KIAA0825: variants seen among roughly 807,000 people sequenced by gnomAD.
The protein encoded by KIAA0825 is KIAA0825, also known as uncharacterized protein KIAA0825.
In KIAA0825, 119 loss-of-function variants were observed where a neutral mutation model predicts 147.6. The observed-to-expected ratio is 0.81, with a 90% CI of 0.69 to 0.94. The LOEUF (loss-of-function observed/expected upper bound fraction) is 0.94, where lower values mean the gene tolerates loss of function less well. Ranked by LOEUF, KIAA0825 falls within the 40% of genes least tolerant of loss-of-function variation. The pLI, the probability that KIAA0825 is intolerant of heterozygous loss-of-function variation, is 0.00. For missense variants in KIAA0825, 1,381 were observed against 1,472.7 expected (o/e 0.94, Z 1.02); for synonymous variants, 470 against 518.1 (o/e 0.91, Z 1.26).
At chr5:94,390,752 G>A (rs1309953268) in intron 18 of KIAA0825, among the ~76,000 whole-genome samples, 1 of 152,162 alleles carries the variant, frequency 6.6e-6, no homozygotes, top group Non-Finnish European at 1.5e-5. Context: ...CCCTGAAAAT[G>A]TATGGTTATA....
At chr5:94,253,212 A>G (rs1278192792) in intron 20 of KIAA0825, among the ~76,000 whole-genome samples, 1 of 152,130 alleles carries the variant, frequency 6.6e-6, no homozygotes, top group East Asian at 1.9e-4. Flanking sequence ...CATGTGGGAG[A>G]TTTAAAAAGT....
chr5:94,475,582 C>G (rs144710446), intron 7 of KIAA0825, among the ~76,000 whole-genome samples: 2 of 152,064 alleles, frequency 1.3e-5, no homozygotes, highest in African/African-American at 4.8e-5. Flanking sequence ...CCGAGGCAGG[C>G]GGATCACCTG....
intron 20 of KIAA0825, among the ~76,000 whole-genome samples, chr5:94,380,999 T>C (rs1043312712): frequency 6.6e-6 from 1 of 152,208 alleles, no homozygotes; most frequent in African/African-American, 2.4e-5. Flanking sequence ...CTCTTTCATG[T>C]GTCTGAGCGG....
intron 20 of KIAA0825, among the ~76,000 whole-genome samples, chr5:94,380,854 A>C (rs928080505): frequency 2.0e-5 from 3 of 152,248 alleles, no homozygotes; most frequent in African/African-American, 4.8e-5. Context: ...TAGTGAGCGA[A>C]GAACACATTT....
intron 20 of KIAA0825, among the ~76,000 whole-genome samples, chr5:94,253,474 C>T (rs1453999366): frequency 1.3e-5 from 2 of 152,030 alleles, no homozygotes; most frequent in African/African-American, 2.4e-5. Context: ...TCTTTTTTTA[C>T]GTCAGGAACA....
chr5:94,497,048 T>C (rs1045337564), intron 5 of KIAA0825, among the ~76,000 whole-genome samples: 1 of 152,158 alleles, frequency 6.6e-6, no homozygotes, highest in African/African-American at 2.4e-5. Flanking sequence ...TAATTAACAG[T>C]TACCATTTAC....
intron 7 of KIAA0825, among the ~76,000 whole-genome samples, chr5:94,476,545 G>C (rs1216380406): frequency 6.6e-6 from 1 of 152,088 alleles, no homozygotes; most frequent in Non-Finnish European, 1.5e-5. Context: ...CCTTAAGACA[G>C]AGAGAGGAGA....
At chr5:94,208,529 C>T (rs551711708) in intron 20 of KIAA0825, among the ~76,000 whole-genome samples, 4 of 152,282 alleles carry the variant, frequency 2.6e-5, no homozygotes, top group Non-Finnish European at 4.4e-5. Flanking sequence ...ATACAGGTAA[C>T]TGCAATGAAA....
At chr5:94,567,655 C>G (rs1407238159) in intron 2 of KIAA0825, 1 of 152,242 alleles carries the variant, frequency 6.6e-6, no homozygotes, top group African/African-American at 2.4e-5. Flanking sequence ...TCCTATACAA[C>G]CGTATTGGCG....
At chr5:94,236,597 T>C (rs1345347034) in intron 20 of KIAA0825, among the ~76,000 whole-genome samples, 2 of 152,200 alleles carry the variant, frequency 1.3e-5, no homozygotes, top group Non-Finnish European at 2.9e-5. Flanking sequence ...TGAAAGAAGT[T>C]CTACTGTGGG....
chr5:94,520,904 T>C lies in KIAA0825; in HGVS notation c.314A>G (p.Lys105Arg). ...KFFKTLQDLLKNEQNQEEMTL... is the reference protein window; with the variant it reads ...KFFKTLQDLLRNEQNQEEMTL... ...CATTTCTTCTTGATTTTGTTCATTC[T>C]TCAACAAATCTTGCTAATGAAATTA... The change falls in exon 5 of 21, where the codon AAG becomes AGG. Residue 105 changes from lysine to arginine, a missense_variant. Lys to Arg is a conservative substitution (Grantham distance 26). Transcript: ENST00000682413. 6.3e-7 allele frequency: 1 copy of C among 1,589,472 alleles called. No homozygotes were observed. The highest frequency in any genetic ancestry group is 1.7e-5 in the Admixed American group (1 of 57,936).
chr5:94,373,920 A>G lies in KIAA0825; in HGVS notation c.3710+10448T>C, dbSNP rs529026572. Among the ~76,000 whole-genome samples, 53 of 145,844 alleles carry G rather than the reference A, an allele frequency of 3.6e-4. 1 individual carries two copies. The South Asian group carries it at 0.013, about 34-fold the overall frequency. The stretch of plus-strand genomic sequence containing the variant: ...AGCATCATAAGCAAACAGATATCCA[A>G]TAGTCATCAATAAGCCTTACAGAAG... On this transcript the variant is annotated intron_variant, in intron 20 of 20. Coordinates refer to ENST00000682413, the MANE Select transcript of KIAA0825 (RefSeq NM_001145678.3).
intron 20 of KIAA0825, among the ~76,000 whole-genome samples, chr5:94,261,460 C>G (rs1776489458): frequency 6.6e-6 from 1 of 151,958 alleles, no homozygotes; most frequent in African/African-American, 2.4e-5. Context: ...AATTATTTCT[C>G]TGTGAAAAAG....
At chr5:94,293,996 T>C (rs1778026071) in intron 20 of KIAA0825, among the ~76,000 whole-genome samples, 1 of 152,204 alleles carries the variant, frequency 6.6e-6, no homozygotes, top group South Asian at 2.1e-4. Context: ...TATTCCTCCA[T>C]CCCTTTATTT....
rs143487163 is a variant in KIAA0825, at chr5:94,429,801, C to T, written c.2497+10181G>A. ...CCCCCAAGCGCCCAGAAGTGTCACT[C>T]GGCTTGGAGCTGGGAAACCACCTCG... On this transcript the variant is annotated intron_variant, in intron 14 of 20. Coordinates refer to ENST00000682413, the MANE Select transcript of KIAA0825 (RefSeq NM_001145678.3). 4.6e-3 allele frequency among the ~76,000 whole-genome samples: 708 copies of T among 152,336 alleles called. 3 individuals carry two copies. Among genetic ancestry groups the T allele is most frequent in the Admixed American group, 8.5e-3 (130 of 15,304 alleles).
In KIAA0825 at chr5:94,182,142, C is replaced by T. The variant is rs563826117; in HGVS notation, c.3711-28018G>A. Reference sequence around the variant, plus strand: ...CCTTCAGTGGGACCTTCAGCGCACCCTATAGACAATGCAGGCTCACTTCAC... The same window carrying T: ...CCTTCAGTGGGACCTTCAGCGCACCTTATAGACAATGCAGGCTCACTTCAC... On this transcript the variant is annotated intron_variant, in intron 20 of 20. Coordinates refer to ENST00000682413, the MANE Select transcript of KIAA0825 (RefSeq NM_001145678.3). Among the ~76,000 whole-genome samples, 3 of 151,876 alleles carry T rather than the reference C, an allele frequency of 2.0e-5. No individual in the cohort carries two copies. In the East Asian group the frequency reaches 5.8e-4, roughly 29 times the overall value.
intron 1 of KIAA0825, among the ~76,000 whole-genome samples, chr5:94,601,479 AGCCAGAGT>A (rs1314807641): frequency 6.6e-6 from 1 of 152,366 alleles, no homozygotes; most frequent in African/African-American, 2.4e-5. Context: ...ACTCAAAAAA[AGCCAGAGT>A]GCATTCTCTC....
chr5:94,379,770 A>C (rs1584316044), intron 20 of KIAA0825, among the ~76,000 whole-genome samples: 1 of 147,290 alleles, frequency 6.8e-6, no homozygotes, highest in African/African-American at 2.5e-5. Context: ...GATTTCTTTG[A>C]GCAGTACTTT....
chr5:94,160,779 C>A (rs1767503036), intron 20 of KIAA0825, among the ~76,000 whole-genome samples: 1 of 151,870 alleles, frequency 6.6e-6, no homozygotes, highest in South Asian at 2.1e-4. Context: ...AGAGTCCAAA[C>A]AGTGAAGAGT....
Sources: gnomAD v4.1 joint callset for allele counts (sites outside exome capture counted in the v4.1 genomes callset) on GRCh38, gnomAD v4.1.1 for gene constraint, MANE v1.5 for transcripts, NCBI Gene and HGNC (gene_info 2026-07-23, HGNC 2026-07-21) for gene names.